Variants in RETREG1 observed in about 807,000 individuals in gnomAD.
RETREG1 encodes the protein family with sequence similarity 134 member B.
Under a neutral mutation model 54.8 loss-of-function variants are expected in RETREG1, and 44 were observed. That is an observed-to-expected ratio of 0.80 (90% CI 0.63 to 1.03). RETREG1 has a LOEUF of 1.03. Among genes scored for constraint, RETREG1 ranks in the 50% least tolerant of loss-of-function variants. The pLI is 0.00. For synonymous variants in RETREG1, 217 were observed against 238.5 expected (o/e 0.91, Z 0.83); for missense variants, 554 against 605.1 (o/e 0.92, Z 0.89).
At chr5:16,576,627 A>T (rs1239071192) in intron 1 of RETREG1, among the ~76,000 whole-genome samples, 1 of 152,178 alleles carries the variant, frequency 6.6e-6, no homozygotes, top group Non-Finnish European at 1.5e-5. Flanking sequence ...CTGGGATTAC[A>T]GGCATGTACC....
At chr5:16,520,376 C>A (rs1740495225) in intron 3 of RETREG1, among the ~76,000 whole-genome samples, 1 of 152,086 alleles carries the variant, frequency 6.6e-6, no homozygotes, top group South Asian at 2.1e-4. Context: ...GTCACCCAGG[C>A]TGGAGTGCAT....
intron 1 of RETREG1, among the ~76,000 whole-genome samples, chr5:16,614,384 C>T (rs963918478): frequency 1.3e-5 from 2 of 152,142 alleles, no homozygotes; most frequent in Non-Finnish European, 2.9e-5. Context: ...ACAAACAATG[C>T]TGATAAATGG....
chr5:16,564,320 C>T (rs1032194377), intron 3 of RETREG1, among the ~76,000 whole-genome samples: 2 of 152,190 alleles, frequency 1.3e-5, no homozygotes, highest in Non-Finnish European at 2.9e-5. Context: ...CATTATACTG[C>T]ATAAATCAGA....
At chr5:16,504,074 G>A (rs1457278499) in intron 3 of RETREG1, among the ~76,000 whole-genome samples, 1 of 151,360 alleles carries the variant, frequency 6.6e-6, no homozygotes, top group African/African-American at 2.4e-5. Context: ...ATCCCCAACA[G>A]GCCCCAGTAT....
Position 16,532,039 on chromosome 5 carries a change from G to A in RETREG1, c.458+33724C>T, listed in dbSNP as rs570636691. Among the ~76,000 whole-genome samples, 7 of 152,278 alleles carry A rather than the reference G, an allele frequency of 4.6e-5. No individual in the cohort carries two copies. The South Asian group carries it at 1.4e-3, about 32-fold the overall frequency. ...TGGACCCATTATCTCCTTGGCCTTG[G>A]AAACCTTCCTTAACTGACAGACACA... On this transcript the variant is annotated intron_variant, in intron 3 of 8. Coordinates refer to ENST00000306320, the MANE Select transcript of RETREG1 (RefSeq NM_001034850.3).
chr5:16,565,247 C>A (rs1408129631), intron 3 of RETREG1, among the ~76,000 whole-genome samples: 3 of 152,144 alleles, frequency 2.0e-5, no homozygotes, highest in African/African-American at 4.8e-5. Context: ...CTGAGGTTTG[C>A]CTCTGGCTGG....
chr5:16,520,398 C>T (rs974321038), intron 3 of RETREG1, among the ~76,000 whole-genome samples: 13 of 152,170 alleles, frequency 8.5e-5, no homozygotes, highest in East Asian at 5.8e-4. Context: ...GGCATGATCT[C>T]GGCTCACTGC....
intron 3 of RETREG1, among the ~76,000 whole-genome samples, chr5:16,528,310 G>A (rs1433512710): frequency 6.6e-6 from 1 of 152,070 alleles, no homozygotes; most frequent in East Asian, 1.9e-4. Flanking sequence ...TAAATTAACA[G>A]TGATTTTACA....
intron 3 of RETREG1, among the ~76,000 whole-genome samples, chr5:16,502,782 A>C (rs1378544657): frequency 6.6e-6 from 1 of 152,254 alleles, no homozygotes; most frequent in Admixed American, 6.5e-5. Flanking sequence ...AAATATATGA[A>C]TAGTAGTGTA....
At chr5:16,524,017 A>G (rs1296436950) in intron 3 of RETREG1, among the ~76,000 whole-genome samples, 1 of 151,830 alleles carries the variant, frequency 6.6e-6, no homozygotes, top group East Asian at 1.9e-4. Flanking sequence ...GCTCCCCTCA[A>G]CTGGTCCAAC....
intron 3 of RETREG1, among the ~76,000 whole-genome samples, chr5:16,499,477 T>G (rs1739612258): frequency 6.6e-6 from 1 of 152,238 alleles, no homozygotes; most frequent in African/African-American, 2.4e-5. Context: ...AAATAGAGTT[T>G]ATAATTTTTA....
At chr5:16,609,474 G>A (rs1743280981) in intron 1 of RETREG1, among the ~76,000 whole-genome samples, 1 of 152,158 alleles carries the variant, frequency 6.6e-6, no homozygotes, top group Non-Finnish European at 1.5e-5. Flanking sequence ...AGCGATAGTA[G>A]CATCTGTAAA....
At chr5:16,519,542 A>T (rs1209047520) in intron 3 of RETREG1, among the ~76,000 whole-genome samples, 1 of 152,130 alleles carries the variant, frequency 6.6e-6, no homozygotes, top group East Asian at 1.9e-4. Flanking sequence ...TTACCCTTTT[A>T]TCTTTCTCTT....
At chr5:16,540,025 T>C (rs1319552303) in intron 3 of RETREG1, among the ~76,000 whole-genome samples, 1 of 152,246 alleles carries the variant, frequency 6.6e-6, no homozygotes, top group African/African-American at 2.4e-5. Flanking sequence ...ATTTTATTTA[T>C]ATTCTTGAGT....
At chr5:16,550,501 C>A (rs1334643729) in intron 3 of RETREG1, among the ~76,000 whole-genome samples, 1 of 152,142 alleles carries the variant, frequency 6.6e-6, no homozygotes, top group Non-Finnish European at 1.5e-5. Flanking sequence ...GTCCACCTGT[C>A]CCCCAGACAT....
At chr5:16,530,518 T>A (rs1740879850) in intron 3 of RETREG1, among the ~76,000 whole-genome samples, 1 of 152,218 alleles carries the variant, frequency 6.6e-6, no homozygotes, top group Non-Finnish European at 1.5e-5. Context: ...AGTAATCATA[T>A]GCAAAACACT....
chr5:16,530,005 G>A (rs375154230), intron 3 of RETREG1, among the ~76,000 whole-genome samples: 14 of 152,124 alleles, frequency 9.2e-5, no homozygotes, highest in African/African-American at 1.9e-4. Context: ...TCCCAACCCC[G>A]GGAGGCCAGA....
At position 16,474,733 on chromosome 5, in the gene RETREG1, T is replaced by C. The variant is rs778881995; in HGVS notation, c.*8A>G. Reference sequence around the variant, plus strand: ...TTTTTTGTGCTCTGTTGCAAGCTGATTCCTAGATTAATGGCCTCCCAGCAG... The same window carrying C: ...TTTTTTGTGCTCTGTTGCAAGCTGACTCCTAGATTAATGGCCTCCCAGCAG... On this transcript the variant is annotated 3_prime_UTR_variant, in exon 9 of 9. Coordinates refer to ENST00000306320, the MANE Select transcript of RETREG1 (RefSeq NM_001034850.3). 2.7e-5 allele frequency: 44 copies of C among 1,611,620 alleles called. No homozygotes were observed. The highest frequency in any genetic ancestry group is 3.6e-5 in the Non-Finnish European group (43 of 1,179,724).
intron 3 of RETREG1, chr5:16,508,762 A>G: frequency 6.6e-7 from 1 of 1,505,976 alleles, no homozygotes. Context: ...TTTTGGAAAA[A>G]AAGTGCTCCT....
Sources: allele counts gnomAD v4.1 joint callset (sites outside exome capture counted in the v4.1 genomes callset), GRCh38; gene constraint gnomAD v4.1.1; transcripts MANE v1.5; gene names NCBI Gene and HGNC (gene_info 2026-07-23, HGNC 2026-07-21).